NPAS3: variants seen among roughly 807,000 people sequenced by gnomAD.
NPAS3 encodes the protein neuronal PAS domain-containing protein 3.
In NPAS3, 14 loss-of-function variants were observed where a neutral mutation model predicts 73.1. The observed-to-expected ratio is 0.19, with a 90% CI of 0.13 to 0.30. The LOEUF (loss-of-function observed/expected upper bound fraction) is 0.30, where lower values mean the gene tolerates loss of function less well. Among genes scored for constraint, NPAS3 ranks in the 10% least tolerant of loss-of-function variants. The pLI is 1.00. For synonymous variants in NPAS3, 620 were observed against 541.5 expected (o/e 1.14, Z -2.01); for missense variants, 1,096 against 1,250.0 (o/e 0.88, Z 1.86).
chr14:33,085,130 C>A (rs2041980856), intron 2 of NPAS3, among the ~76,000 whole-genome samples: 1 of 152,150 alleles, frequency 6.6e-6, no homozygotes, highest in African/African-American at 2.4e-5. Flanking sequence ...TTCTTTGGTA[C>A]CATGTTGCGT....
chr14:33,416,422 T>A (rs139532852), intron 4 of NPAS3, among the ~76,000 whole-genome samples: 76 of 152,200 alleles, frequency 5.0e-4, no homozygotes, highest in African/African-American at 1.8e-3. Flanking sequence ...ATAACGTGTT[T>A]CTGGTAAGGG....
chr14:33,494,883 G>C (rs921947351), intron 4 of NPAS3, among the ~76,000 whole-genome samples: 1 of 152,138 alleles, frequency 6.6e-6, no homozygotes, highest in East Asian at 1.9e-4. Context: ...TTTAAGGAAG[G>C]CGCCTAATAA....
intron 1 of NPAS3, among the ~76,000 whole-genome samples, chr14:33,021,197 C>T (rs940193468): frequency 6.6e-6 from 1 of 152,178 alleles, no homozygotes; most frequent in Non-Finnish European, 1.5e-5. Context: ...GGGCCTGGTA[C>T]TGGATCATCA....
chr14:33,487,414 T>C (rs1321678919), intron 4 of NPAS3, among the ~76,000 whole-genome samples: 1 of 152,204 alleles, frequency 6.6e-6, no homozygotes, highest in Non-Finnish European at 1.5e-5. Context: ...TGTATATCAA[T>C]ATCAGTTTAA....
In NPAS3 at chr14:33,719,575, C is replaced by G. The variant is rs1401000320; in HGVS notation, c.734-15639C>G. Among the ~76,000 whole-genome samples, 7 of 152,168 alleles carry G rather than the reference C, an allele frequency of 4.6e-5. No homozygotes were observed. In the East Asian group the frequency reaches 1.3e-3, roughly 29 times the overall value. The stretch of plus-strand genomic sequence containing the variant: ...CCTTACCAAACAGTGCCAAAACTGT[C>G]TAACAGAGAAAATATATCCACACAT... On this transcript the variant is annotated intron_variant, in intron 6 of 11. Transcript: ENST00000356141.
intron 1 of NPAS3, among the ~76,000 whole-genome samples, chr14:32,981,356 A>G (rs981087199): frequency 7.9e-5 from 12 of 152,220 alleles, no homozygotes; most frequent in African/African-American, 2.9e-4. Context: ...GCTTTTGTAA[A>G]TGGAACATGC....
At chr14:32,962,655 C>T (rs1467985666) in intron 1 of NPAS3, among the ~76,000 whole-genome samples, 13 of 146,950 alleles carry the variant, frequency 8.8e-5, no homozygotes, top group African/African-American at 2.5e-4. Context: ...CACCACCTCC[C>T]GGGTTCAAGC....
intron 1 of NPAS3, among the ~76,000 whole-genome samples, chr14:32,971,268 A>G (rs2037412557): frequency 6.6e-6 from 1 of 151,756 alleles, no homozygotes; most frequent in South Asian, 2.1e-4. Flanking sequence ...TATTTTTAGT[A>G]GAGATGGGGT....
intron 3 of NPAS3, among the ~76,000 whole-genome samples, chr14:33,317,650 T>G (rs1407113870): frequency 6.6e-6 from 1 of 152,062 alleles, no homozygotes; most frequent in African/African-American, 2.4e-5. Context: ...TGCTTGGCAC[T>G]TCTCCTTCCT....
chr14:33,186,411 T>C (rs1163702393), intron 2 of NPAS3, among the ~76,000 whole-genome samples: 1 of 152,232 alleles, frequency 6.6e-6, no homozygotes, highest in Non-Finnish European at 1.5e-5. Flanking sequence ...GTGAATCTTT[T>C]TGCATAGATA....
At chr14:32,956,338 G>A (rs553725466) in intron 1 of NPAS3, among the ~76,000 whole-genome samples, 1 of 152,252 alleles carries the variant, frequency 6.6e-6, no homozygotes, top group East Asian at 1.9e-4. Flanking sequence ...GCACAATTCA[G>A]TTATCACATG....
At chr14:33,195,244 A>T (rs188942764) in intron 2 of NPAS3, among the ~76,000 whole-genome samples, 1,635 of 151,990 alleles carry the variant, frequency 0.011, 26 homozygotes, top group African/African-American at 0.037. Context: ...AAAAAAAAAA[A>T]TTTAAAAAAG....
chr14:33,090,761 T>C lies in NPAS3; in HGVS notation c.140+34767T>C, dbSNP rs141870332. 7.9e-3 allele frequency among the ~76,000 whole-genome samples: 1,199 copies of C among 152,246 alleles called. 13 individuals carry two copies. Among genetic ancestry groups the C allele is most frequent in the African/African-American group, 0.027 (1,126 of 41,538 alleles). ...ACATATTTGGAAGTAAAGCACTCCT[T>C]AGCAAATGTAAAAGAACAGAAATTA... On this transcript the variant is annotated intron_variant, in intron 2 of 11. Transcript: ENST00000356141.
intron 1 of NPAS3, among the ~76,000 whole-genome samples, chr14:33,051,012 C>A (rs2040682634): frequency 6.6e-6 from 1 of 152,096 alleles, no homozygotes; most frequent in Non-Finnish European, 1.5e-5. Context: ...CGGTGGCTCA[C>A]GCCTGTAATC....
chr14:33,614,372 G>T (rs2057848586), intron 5 of NPAS3, among the ~76,000 whole-genome samples: 1 of 152,174 alleles, frequency 6.6e-6, no homozygotes, highest in Admixed American at 6.5e-5. Context: ...TTAATAATTT[G>T]AGAACTATAT....
At chr14:33,289,244 G>A (rs1245826120) in intron 3 of NPAS3, among the ~76,000 whole-genome samples, 1 of 152,132 alleles carries the variant, frequency 6.6e-6, no homozygotes, top group Non-Finnish European at 1.5e-5. Context: ...GTAAGTTTTA[G>A]AGTCAGAATT....
At chr14:33,035,190 A>G (rs1437150656) in intron 1 of NPAS3, among the ~76,000 whole-genome samples, 1 of 152,238 alleles carries the variant, frequency 6.6e-6, no homozygotes, top group Non-Finnish European at 1.5e-5. Flanking sequence ...TTTAATGCAT[A>G]CATAATATTC....
intron 5 of NPAS3, among the ~76,000 whole-genome samples, chr14:33,574,268 G>A (rs565193247): frequency 3.6e-4 from 55 of 152,216 alleles, no homozygotes; most frequent in African/African-American, 1.3e-3. Flanking sequence ...ATACGATACA[G>A]CACAAATGAT....
chr14:33,272,828 A>C (rs1172757592), intron 3 of NPAS3, among the ~76,000 whole-genome samples: 2 of 152,230 alleles, frequency 1.3e-5, no homozygotes, highest in Admixed American at 6.5e-5. Flanking sequence ...TGGGAGAAAC[A>C]AAACTCTACC....
Sources: allele counts gnomAD v4.1 joint callset (sites outside exome capture counted in the v4.1 genomes callset), GRCh38; gene constraint gnomAD v4.1.1; transcripts MANE v1.5; gene names NCBI Gene and HGNC (gene_info 2026-07-23, HGNC 2026-07-21).